Variants in CCSER2 observed in about 807,000 individuals in gnomAD.
CCSER2 encodes serine-rich coiled-coil domain-containing protein 2.
A neutral mutation model predicts 92.3 loss-of-function variants in CCSER2; 46 were observed. That is an observed-to-expected ratio of 0.50 (90% CI 0.39 to 0.64). The LOEUF is 0.64. Among genes scored for constraint, CCSER2 ranks in the 30% least tolerant of loss-of-function variants. The pLI is 0.00. For synonymous variants in CCSER2, 433 were observed against 431.4 expected (o/e 1.00, Z -0.04); for missense variants, 1,244 against 1,238.9 (o/e 1.00, Z -0.06).
At chr10:84,357,571 T>C (rs2133099343) in intron 1 of CCSER2, among the ~76,000 whole-genome samples, 1 of 151,226 alleles carries the variant, frequency 6.6e-6, no homozygotes, top group South Asian at 2.1e-4. Flanking sequence ...AGCCTCAGCC[T>C]CCCGAGTAGC....
At chr10:84,357,199 A>G (rs1845219378) in intron 1 of CCSER2, among the ~76,000 whole-genome samples, 1 of 151,814 alleles carries the variant, frequency 6.6e-6, no homozygotes, top group Non-Finnish European at 1.5e-5. Flanking sequence ...GATACCATGA[A>G]GAATGTGTGA....
At chr10:84,474,961 AT>A (rs1248727138) in intron 8 of CCSER2, among the ~76,000 whole-genome samples, 2 of 152,182 alleles carry the variant, frequency 1.3e-5, no homozygotes, top group Non-Finnish European at 2.9e-5. Context: ...CATTTGGCTG[AT>A]TGATTAGGTT....
chr10:84,446,099 T>C (rs1286960231), intron 6 of CCSER2, among the ~76,000 whole-genome samples: 1 of 152,170 alleles, frequency 6.6e-6, no homozygotes, highest in Non-Finnish European at 1.5e-5. Context: ...TTTTGTTTGC[T>C]CTTATCATAT....
At chr10:84,369,654 T>G (rs966027683) in intron 1 of CCSER2, among the ~76,000 whole-genome samples, 2 of 152,116 alleles carry the variant, frequency 1.3e-5, no homozygotes, top group Non-Finnish European at 2.9e-5. Context: ...CAGAAGCTTT[T>G]TAGTTTAATT....
chr10:84,472,078 A>G (rs1846840941), intron 8 of CCSER2, among the ~76,000 whole-genome samples: 2 of 152,162 alleles, frequency 1.3e-5, no homozygotes, highest in African/African-American at 2.4e-5. Flanking sequence ...GACGAAGTAG[A>G]AAAATAAGGA....
rs1213676918 is a variant in CCSER2, at chr10:84,489,462, T to C, written c.2325+11798T>C. On this transcript the variant is annotated intron_variant, in intron 9 of 9. Transcript: ENST00000372088. ...ATATATTTAAAATAGTTAGCTCTTC[T>C]TGTTGAATTGATCCCTTTACCATTA... Among the ~76,000 whole-genome samples the C allele has an allele frequency of 2.6e-5, 4 of 152,244 alleles. No individual in the cohort carries two copies. In the East Asian group the frequency reaches 5.8e-4, roughly 22 times the overall value.
Position 84,342,328 on chromosome 10 carries a change from CTG to C in CCSER2, c.-40+13522_-40+13523del, listed in dbSNP as rs762274217. ...GGCAGCCTGGGAATAAAGAATATCTCTGTCACATATTCCTTATTTTTTACTTT... is the reference window on the plus strand; with the variant it reads ...GGCAGCCTGGGAATAAAGAATATCTCTCACATATTCCTTATTTTTTACTTT... On this transcript the variant is annotated intron_variant, in intron 1 of 9. Coordinates refer to ENST00000372088, the MANE Select transcript of CCSER2 (RefSeq NM_001284240.2). Among the ~76,000 whole-genome samples, 39 of 152,350 alleles carry C rather than the reference CTG, an allele frequency of 2.6e-4. 1 individual carries two copies. The highest frequency in any genetic ancestry group is 1.2e-3 in the Admixed American group (18 of 15,300).
At chr10:84,431,006 G>A (rs760290142) in intron 5 of CCSER2, among the ~76,000 whole-genome samples, 2 of 152,010 alleles carry the variant, frequency 1.3e-5, no homozygotes, top group Non-Finnish European at 2.9e-5. Context: ...CAGAAAAATT[G>A]AGCAAAAATA....
chr10:84,338,576 G>C (rs1394540686), intron 1 of CCSER2, among the ~76,000 whole-genome samples: 1 of 152,162 alleles, frequency 6.6e-6, no homozygotes, highest in Non-Finnish European at 1.5e-5. Context: ...TCATCATCAT[G>C]ATGGACTGTA....
chr10:84,382,868 T>C (rs1840990085), intron 3 of CCSER2, among the ~76,000 whole-genome samples: 1 of 152,248 alleles, frequency 6.6e-6, no homozygotes, highest in African/African-American at 2.4e-5. Context: ...TCCAAAAACT[T>C]ACTTGTATGC....
chr10:84,457,328 TAA>T (rs1564685097), intron 6 of CCSER2, among the ~76,000 whole-genome samples: 4 of 59,612 alleles, frequency 6.7e-5, no homozygotes, highest in East Asian at 1.4e-3. Flanking sequence ...ATATTATATA[TAA>T]TATATTATAT....
At chr10:84,436,353 A>AAAAAAGG (rs59522717) in intron 5 of CCSER2, among the ~76,000 whole-genome samples, 1 of 96,572 alleles carries the variant, frequency 1.0e-5, no homozygotes, top group Non-Finnish European at 2.1e-5. Flanking sequence ...AAAAAAAAAA[A>AAAAAAGG]TGCCGGGCGC....
intron 3 of CCSER2, among the ~76,000 whole-genome samples, chr10:84,410,554 A>G (rs1168512640): frequency 1.3e-5 from 2 of 152,154 alleles, no homozygotes; most frequent in African/African-American, 4.8e-5. Context: ...GGCTGCATGT[A>G]TGTCTTCTTT....
intron 6 of CCSER2, among the ~76,000 whole-genome samples, chr10:84,450,454 T>C (rs1421321841): frequency 1.3e-5 from 2 of 152,236 alleles, no homozygotes; most frequent in Non-Finnish European, 2.9e-5. Flanking sequence ...TACCTATTCA[T>C]GTATATATGT....
At chr10:84,409,704 G>A (rs773836604) in intron 3 of CCSER2, among the ~76,000 whole-genome samples, 22 of 152,004 alleles carry the variant, frequency 1.4e-4, no homozygotes, top group Non-Finnish European at 3.1e-4. Flanking sequence ...TCTTGATTTT[G>A]ATGATGTTTC....
intron 1 of CCSER2, among the ~76,000 whole-genome samples, chr10:84,336,848 TGA>T (rs1318952018): frequency 8.2e-6 from 1 of 121,522 alleles, no homozygotes; most frequent in Non-Finnish European, 1.5e-5. Flanking sequence ...AAGTGGGAGA[TGA>T]TGATTTTAGG....
chr10:84,487,950 G>A (rs1414129770), intron 9 of CCSER2, among the ~76,000 whole-genome samples: 1 of 152,172 alleles, frequency 6.6e-6, no homozygotes, highest in Non-Finnish European at 1.5e-5. Context: ...TTAGCATGAA[G>A]CGCTGTTGAA....
At chr10:84,489,435 A>G (rs1337023113) in intron 9 of CCSER2, among the ~76,000 whole-genome samples, 1 of 152,194 alleles carries the variant, frequency 6.6e-6, no homozygotes, top group Non-Finnish European at 1.5e-5. Flanking sequence ...TATTGGGTGC[A>G]TATATATTTA....
At chr10:84,503,795 A>G (rs1274818054) in intron 9 of CCSER2, among the ~76,000 whole-genome samples, 1 of 152,214 alleles carries the variant, frequency 6.6e-6, no homozygotes, top group African/African-American at 2.4e-5. Context: ...TTTTAAAACA[A>G]TAAAAATTAC....
Sources: allele counts gnomAD v4.1 joint callset (sites outside exome capture counted in the v4.1 genomes callset), GRCh38; gene constraint gnomAD v4.1.1; transcripts MANE v1.5; gene names NCBI Gene and HGNC (gene_info 2026-07-23, HGNC 2026-07-21).